Variants in FNDC4 observed in about 807,000 individuals in gnomAD.
FNDC4 encodes the protein fibronectin type III domain containing 4.
In FNDC4, 11 loss-of-function variants were observed where a neutral mutation model predicts 25.1. The ratio of observed to expected loss-of-function variants is 0.44; its 90% CI spans 0.28 to 0.73. The LOEUF (loss-of-function observed/expected upper bound fraction) is 0.73, where lower values mean the gene tolerates loss of function less well. Ranked by LOEUF, FNDC4 falls within the 30% of genes least tolerant of loss-of-function variation. The probability of loss-of-function intolerance (pLI) is 0.16; values close to 1 mark genes in which losing one functional copy is unlikely to be tolerated. For missense variants in FNDC4, 250 were observed against 304.3 expected, an observed-to-expected ratio of 0.82 and a Z score of 1.33; for synonymous variants, 136 against 118.8, an observed-to-expected ratio of 1.14 and a Z score of -0.94.
chr2:27,493,745 A>G (rs1669312887), intron 4 of FNDC4, among the ~76,000 whole-genome samples, 185 bp downstream of exon 4: 1 of 152,222 alleles, frequency 6.6e-6, no homozygotes, highest in South Asian at 2.1e-4. Flanking sequence ...CCTTCCCCCA[A>G]ACAACTCAAT....
chr2:27,495,141 C>T lies in FNDC4; in HGVS notation c.-288G>A, dbSNP rs1174374238. 1.3e-5 allele frequency: 2 copies of T among 151,498 alleles called. No individual in the cohort carries two copies. Among genetic ancestry groups the T allele is most frequent in the East Asian group, 3.9e-4 (2 of 5,166 alleles). The allele number at this position is 151,498 out of a possible 1,614,324, so 9.4% of individuals were successfully genotyped here. ...CCCGGTGCGGGAGGCAGTGCGGCGG[C>T]CTCCGCCCGCCCCTGCAGCGGGATG... On this transcript the variant is annotated 5_prime_UTR_variant, in exon 1 of 7. Coordinates refer to ENST00000264703, the MANE Select transcript of FNDC4 (RefSeq NM_022823.3).
At chr2:27,493,814 A>ACAATGAATTAAAT in intron 4 of FNDC4, 116 bp downstream of exon 4, 4 of 970,468 alleles carry the variant, frequency 4.1e-6, no homozygotes, top group Non-Finnish European at 6.4e-6. Flanking sequence ...TCCTGGCAGT[A>ACAATGAATTAAAT]CAATGAATTA....
rs889300190 is a variant in FNDC4, at chr2:27,492,060, G to A, written c.*383C>T. 1 of 287,734 alleles carries A rather than the reference G, an allele frequency of 3.5e-6. No individual in the cohort carries two copies. Among genetic ancestry groups the A allele is most frequent in the African/African-American group, 2.1e-5 (1 of 47,490 alleles). The allele number at this position is 287,734 out of a possible 1,614,324, so 17.8% of individuals were successfully genotyped here. ...TTCCTTTTATTTGCTGGGGTAAGAG[G>A]AGTACCCACAGAAACACCCCTCTCT... On this transcript the variant is annotated 3_prime_UTR_variant, in exon 7 of 7. Transcript: ENST00000264703. The surrounding 1 kb of genome is among the most constrained non-coding windows in gnomAD (Gnocchi z 4.1).
chr2:27,493,738 T>TC (rs1407402483), intron 4 of FNDC4, among the ~76,000 whole-genome samples, 192 bp downstream of exon 4: 1 of 152,048 alleles, frequency 6.6e-6, no homozygotes, highest in Non-Finnish European at 1.5e-5. Context: ...TAAAAGGCCT[T>TC]CCCCCAAACA....
Position 27,492,231 on chromosome 2 carries a change from G to C in FNDC4, c.*212C>G. 1.6e-6 allele frequency: 1 copy of C among 618,154 alleles called. No individual in the cohort carries two copies. Among genetic ancestry groups the C allele is most frequent in the Non-Finnish European group, 2.9e-6 (1 of 345,600 alleles). 38.3% of individuals were successfully genotyped at this position (618,154 alleles called of 1,614,324 possible). ...GGGAATGGAAGGAGATATCCCATCT[G>C]ATATCCACTCCCCAGGTCCAGGGGC... On this transcript the variant is annotated 3_prime_UTR_variant, in exon 7 of 7. Transcript: ENST00000264703. The surrounding 1 kb of genome is among the most constrained non-coding windows in gnomAD (Gnocchi z 4.1).
At chr2:27,493,024 T>TTTTTTA (rs1669298836) in intron 5 of FNDC4, among the ~76,000 whole-genome samples, 1 of 149,862 alleles carries the variant, frequency 6.7e-6, no homozygotes, top group Non-Finnish European at 1.5e-5. Context: ...TTTTTTTTTT[T>TTTTTTA]TTGAGACAGA....
At chr2:27,493,056 T>G (rs1669299728) in intron 5 of FNDC4, among the ~76,000 whole-genome samples, 1 of 143,856 alleles carries the variant, frequency 7.0e-6, no homozygotes, top group East Asian at 2.0e-4. Context: ...TTGCCCAGGC[T>G]GGAGTGCAGT....
rs1330860991 is a variant in FNDC4 at position 27,492,042 on chromosome 2, T to A, written c.*401A>T. On this transcript the variant is annotated 3_prime_UTR_variant, in exon 7 of 7. Transcript: ENST00000264703. The surrounding 1 kb of genome is among the most constrained non-coding windows in gnomAD (Gnocchi z 4.1). Reference sequence around the variant, plus strand: ...GCCTCTAGGGTCAGACAATTCCTTTTATTTGCTGGGGTAAGAGGAGTACCC... The same window carrying A: ...GCCTCTAGGGTCAGACAATTCCTTTAATTTGCTGGGGTAAGAGGAGTACCC... The A allele has an allele frequency of 8.5e-6, 2 of 236,098 alleles. No homozygotes were observed. The highest frequency in any genetic ancestry group is 4.4e-5 in the African/African-American group (2 of 45,544). 14.6% of individuals were successfully genotyped at this position (236,098 alleles called of 1,614,324 possible).
chr2:27,493,937 T>C lies in FNDC4; in HGVS notation c.447A>G (p.Ser149=), dbSNP rs144942318. Residue 149 remains serine, a synonymous_variant, in exon 4 of 7, where the codon TCA becomes TCG. Coordinates refer to ENST00000264703, the MANE Select transcript of FNDC4 (RefSeq NM_022823.3). ...AATAGCACAGATCCTCACCTGGGCT[T>C]GAACTGTTTGAAGGTAGCCGGTCAG... The part of the protein sequence containing the change: ...KGSDRLPSNS[S]SPGDITVEGL... The C allele has an allele frequency of 1.2e-5, 19 of 1,614,066 alleles. No individual in the cohort carries two copies. In the African/African-American group the frequency reaches 2.4e-4, roughly 20 times the overall value.
rs141504043 is a variant in FNDC4, at chr2:27,494,284, C to T, written c.249+67G>A. The T allele has an allele frequency of 5.5e-6, 8 of 1,454,934 alleles. No individual in the cohort carries two copies. The highest frequency in any genetic ancestry group is 4.2e-5 in the African/African-American group (3 of 71,738). The allele number at this position is 1,454,934 out of a possible 1,614,324, so 90.1% of individuals were successfully genotyped here. A position where few individuals can be genotyped will look rare whatever the true frequency, so the allele number is the denominator to read the frequency against. On this transcript the variant is annotated intron_variant, in intron 3 of 6. Transcript: ENST00000264703. The surrounding 1 kb of genome is among the most constrained non-coding windows in gnomAD (Gnocchi z 4.6). ...GATACGCCAGCTTCCAGATCCCCCCCACTTAAGTGAAGAAATGTGCCGAAA... is the reference window on the plus strand; with the variant it reads ...GATACGCCAGCTTCCAGATCCCCCCTACTTAAGTGAAGAAATGTGCCGAAA...
intron 4 of FNDC4, 28 bp from the exon 5 acceptor site, chr2:27,493,506 C>A: frequency 1.3e-6 from 2 of 1,537,698 alleles, no homozygotes; most frequent in Non-Finnish European, 1.8e-6. Context: ...AGAAGGCAGA[C>A]TCCAGGTTAC....
At position 27,494,156 on chromosome 2, in the gene FNDC4, G is replaced by C. The variant is rs376752308; in HGVS notation, c.250-22C>G. 1.4e-5 allele frequency: 23 copies of C among 1,609,226 alleles called. No individual in the cohort carries two copies. Among genetic ancestry groups the C allele is most frequent in the Non-Finnish European group, 2.0e-5 (23 of 1,176,920 alleles). ...GCCGCTGCAGGGAGATGAGGGGAGA[G>C]GAGGACAGCCTCACCCCAGTGCCAG... On this transcript the variant is annotated intron_variant, in intron 3 of 6. Coordinates refer to ENST00000264703, the MANE Select transcript of FNDC4 (RefSeq NM_022823.3). The surrounding 1 kb of genome is among the most constrained non-coding windows in gnomAD (Gnocchi z 4.6).
chr2:27,493,473 T>A lies in FNDC4; in HGVS notation c.460A>T (p.Ile154Phe). Residue 154 changes from isoleucine to phenylalanine, a missense_variant, in exon 5 of 7, where the codon ATC becomes TTC. Ile to Phe is a conservative substitution (Grantham distance 21). Transcript: ENST00000264703. ...LPSNSSSPGDITVEGLDGERP... is the reference protein window; with the variant it reads ...LPSNSSSPGDFTVEGLDGERP... ...TCTCCATCCAGACCTTCCACTGTGATGTCACCTGAGAAGGGAGAAGGCAGA... is the reference window on the plus strand; with the variant it reads ...TCTCCATCCAGACCTTCCACTGTGAAGTCACCTGAGAAGGGAGAAGGCAGA... 1 of 1,613,086 alleles carries A rather than the reference T, an allele frequency of 6.2e-7. No individual in the cohort carries two copies. The highest frequency in any genetic ancestry group is 8.5e-7 in the Non-Finnish European group (1 of 1,179,122).
Position 27,494,134 on chromosome 2 carries a change from G to A in FNDC4, c.250C>T (p.Arg84Trp). Reference protein sequence around the residue: ...IVIGYSISQQRQNGPGQRVIR... With the variant: ...IVIGYSISQQWQNGPGQRVIR... ...ACACGCTGCCCGGGGCCATTCTGCC[G>A]CTGCAGGGAGATGAGGGGAGAGGAG... is the stretch of plus-strand genomic sequence containing the variant. The change falls in exon 4 of 7, where the codon CGG becomes TGG. Residue 84 changes from arginine (R) to tryptophan (W), a missense_variant and splice_region_variant. Arg to Trp is a moderately radical substitution (Grantham distance 101, BLOSUM62 -3). Transcript: ENST00000264703. The surrounding 1 kb of genome is among the most constrained non-coding windows in gnomAD (Gnocchi z 4.6). The A allele has an allele frequency of 1.2e-6, 2 of 1,613,476 alleles. No homozygotes were observed. The highest frequency in any genetic ancestry group is 8.5e-7 in the Non-Finnish European group (1 of 1,179,780).
At position 27,493,967 on chromosome 2, in the gene FNDC4, C is replaced by T. The variant is rs765717697; in HGVS notation, c.417G>A (p.Lys139=). 2 of 1,614,254 alleles carry T rather than the reference C, an allele frequency of 1.2e-6. No homozygotes were observed. The highest frequency in any genetic ancestry group is 3.3e-5 in the Admixed American group (2 of 60,034). ...PGPRVHFRTL[K]GSDRLPSNSS... is the part of the protein sequence containing the mutation. Reference sequence around the variant, plus strand: ...TGTTTGAAGGTAGCCGGTCAGAACCCTTGAGAGTTCGGAAGTGCACCCGGG... The same window carrying T: ...TGTTTGAAGGTAGCCGGTCAGAACCTTTGAGAGTTCGGAAGTGCACCCGGG... Residue 139 remains lysine, a synonymous_variant, in exon 4 of 7, where the codon AAG becomes AAA. Transcript: ENST00000264703.
chr2:27,492,793 G>A lies in FNDC4; in HGVS notation c.545-3C>T. ...ACGGCAGAACAGCCCAATTACAGCTGAAACACAATACAGTCTGAGCCTTCA... is the reference window on the plus strand; with the variant it reads ...ACGGCAGAACAGCCCAATTACAGCTAAAACACAATACAGTCTGAGCCTTCA... On this transcript the variant is annotated splice_region_variant and splice_polypyrimidine_tract_variant and intron_variant, in intron 5 of 6. Coordinates refer to ENST00000264703, the MANE Select transcript of FNDC4 (RefSeq NM_022823.3). The surrounding 1 kb of genome is among the most constrained non-coding windows in gnomAD (Gnocchi z 4.1). 1 of 1,613,984 alleles carries A rather than the reference G, an allele frequency of 6.2e-7. No homozygotes were observed. Among genetic ancestry groups the A allele is most frequent in the Non-Finnish European group, 8.5e-7 (1 of 1,180,006 alleles).
rs373518375 is a variant in FNDC4 at position 27,494,324 on chromosome 2, T to C, written c.249+27A>G. The C allele has an allele frequency of 2.6e-5, 40 of 1,563,628 alleles. No individual in the cohort carries two copies. Among genetic ancestry groups the C allele is most frequent in the African/African-American group, 8.1e-5 (6 of 73,822 alleles). On this transcript the variant is annotated intron_variant, in intron 3 of 6. Transcript: ENST00000264703. The surrounding 1 kb of genome is among the most constrained non-coding windows in gnomAD (Gnocchi z 4.6). Reference sequence around the variant, plus strand: ...ATGTGCCGAAATCCAAGGACACAGGTTGGGGGAGCAGAAGGGTGATTCATA... The same window carrying C: ...ATGTGCCGAAATCCAAGGACACAGGCTGGGGGAGCAGAAGGGTGATTCATA...
Position 27,494,819 on chromosome 2 carries a change from C to T in FNDC4, c.-25+59G>A. ...ACAACAGCCCTATTTTCTCTACGCC[C>T]TCCCGCCCCCGCATTGCCCGGGCGG... On this transcript the variant is annotated intron_variant, in intron 1 of 6. Transcript: ENST00000264703. The surrounding 1 kb of genome is among the most constrained non-coding windows in gnomAD (Gnocchi z 4.6). 1 of 586,092 alleles carries T rather than the reference C, an allele frequency of 1.7e-6. No individual in the cohort carries two copies. Among genetic ancestry groups the T allele is most frequent in the Non-Finnish European group, 3.0e-6 (1 of 335,260 alleles). 36.3% of individuals were successfully genotyped at this position (586,092 alleles called of 1,614,324 possible).
rs768407707 is a variant in FNDC4 at position 27,494,696 on chromosome 2, CG to C, written c.-18del. ...GCTTGGCATCCGCTTGACATCCAGG[CG>C]GGGCTCCTGGAGATGGCAGGAGTTG... On this transcript the variant is annotated 5_prime_UTR_variant, in exon 2 of 7. Coordinates refer to ENST00000264703, the MANE Select transcript of FNDC4 (RefSeq NM_022823.3). This position sits in a 1 kb window ranked among gnomAD's most constrained non-coding sequence, Gnocchi z 4.6. The C allele has an allele frequency of 3.1e-4, 474 of 1,518,358 alleles. No homozygotes were observed. The highest frequency in any genetic ancestry group is 4.5e-4 in the Admixed American group (19 of 41,960). The allele number at this position is 1,518,358 out of a possible 1,614,324, so 94.1% of individuals were successfully genotyped here. A position where few individuals can be genotyped will look rare whatever the true frequency, so the allele number is the denominator to read the frequency against.
Sources: allele counts gnomAD v4.1 joint callset (sites outside exome capture counted in the v4.1 genomes callset), GRCh38; gene constraint gnomAD v4.1.1; non-coding constraint Gnocchi (gnomAD v3.1); transcripts MANE v1.5; gene names NCBI Gene and HGNC (gene_info 2026-07-23, HGNC 2026-07-21).